ZNF83: variants seen among roughly 807,000 people sequenced by gnomAD.
ZNF83 encodes the protein zinc finger protein 816B.
For synonymous variants in ZNF83, 209 were observed against 213.0 expected, an observed-to-expected ratio of 0.98 and a Z score of 0.17; for missense variants, 552 against 629.9, an observed-to-expected ratio of 0.88 and a Z score of 1.32.
At chr19:52,656,556 T>C (rs2061507466) in intron 2 of ZNF83, among the ~76,000 whole-genome samples, 2 of 151,710 alleles carry the variant, frequency 1.3e-5, no homozygotes, top group African/African-American at 4.8e-5. Context: ...ATATTGCAAA[T>C]AATGTGTTTT....
At chr19:52,687,631 A>ATG (rs1555792752) in intron 1 of ZNF83, among the ~76,000 whole-genome samples, 609 of 10,738 alleles carry the variant, frequency 0.057, 138 homozygotes, top group Middle Eastern at 0.14. Flanking sequence ...TATATATATA[A>ATG]TGTATATATA....
chr19:52,652,561 C>T lies in ZNF83; in HGVS notation c.-74+3000G>A, dbSNP rs546248979. The T allele has an allele frequency of 5.0e-3, 2,160 of 433,416 alleles. 8 individuals are homozygous for T. Among genetic ancestry groups the T allele is most frequent in the Non-Finnish European group, 7.1e-3 (1,513 of 214,192 alleles). 26.8% of individuals were successfully genotyped at this position (433,416 alleles called of 1,614,324 possible). A position where few individuals can be genotyped will look rare whatever the true frequency, so the allele number is the denominator to read the frequency against. On this transcript the variant is annotated intron_variant, in intron 3 of 5. Transcript: ENST00000594682. ...CTTGCTGCAATCATGACATTTGTAACGTTTCTTTCCAGTATGAGTTCACTG... is the reference window on the plus strand; with the variant it reads ...CTTGCTGCAATCATGACATTTGTAATGTTTCTTTCCAGTATGAGTTCACTG...
intron 3 of ZNF83, among the ~76,000 whole-genome samples, chr19:52,643,708 GA>G (rs370930667): frequency 2.3e-3 from 295 of 127,426 alleles, no homozygotes; most frequent in Middle Eastern, 4.0e-3. Context: ...TCTTAAAAAA[GA>G]AAAAAAAAAA....
At chr19:52,633,570 C>T (rs12459834) in intron 2 of ZNF83, among the ~76,000 whole-genome samples, 3,906 of 152,238 alleles carry the variant, frequency 0.026, 183 homozygotes, top group African/African-American at 0.088. Flanking sequence ...CGCTTTATGG[C>T]CAAGGGCCTA....
exon 3 of ZNF83, chr19:52,614,124 C>T (rs761714062): frequency 6.2e-7 from 1 of 1,613,758 alleles, no homozygotes; most frequent in East Asian, 2.2e-5. Flanking sequence ...ATTTATATGG[C>T]TTCTCTCCAG....
chr19:52,655,704 AT>A, intron 2 of ZNF83: 1 of 965,994 alleles, frequency 1.0e-6, no homozygotes, highest in South Asian at 1.4e-5. Flanking sequence ...TTAAACACAC[AT>A]TTCAACAAAA....
chr19:52,655,873 G>A (rs1254996278), intron 2 of ZNF83, among the ~76,000 whole-genome samples: 1 of 152,062 alleles, frequency 6.6e-6, no homozygotes, highest in African/African-American at 2.4e-5. Context: ...GATAGATTTT[G>A]AAATCTCCTA....
At chr19:52,680,774 G>C (rs370869293) in intron 1 of ZNF83, among the ~76,000 whole-genome samples, 1 of 145,748 alleles carries the variant, frequency 6.9e-6, no homozygotes, top group South Asian at 2.2e-4. Context: ...CACTACGCCC[G>C]GCTAATTTTT....
intron 2 of ZNF83, among the ~76,000 whole-genome samples, chr19:52,625,068 C>A (rs898810693): frequency 5.3e-5 from 8 of 151,864 alleles, no homozygotes; most frequent in African/African-American, 1.5e-4. Flanking sequence ...TCATCCTGAT[C>A]ACATTTGGTT....
At chr19:52,680,740 G>A (rs2061899786) in intron 1 of ZNF83, among the ~76,000 whole-genome samples, 1 of 140,868 alleles carries the variant, frequency 7.1e-6, no homozygotes, top group Non-Finnish European at 1.5e-5. Flanking sequence ...AGCCTCCCGA[G>A]TAACTGGGAC....
intron 3 of ZNF83, among the ~76,000 whole-genome samples, chr19:52,648,946 T>C (rs1445085354): frequency 1.3e-5 from 2 of 152,040 alleles, no homozygotes; most frequent in African/African-American, 2.4e-5. Context: ...ACCTCCACCC[T>C]CTAACCAGGC....
intron 3 of ZNF83, among the ~76,000 whole-genome samples, chr19:52,649,777 G>A (rs1465901624): frequency 6.6e-6 from 1 of 152,114 alleles, no homozygotes; most frequent in Non-Finnish European, 1.5e-5. Flanking sequence ...TAGCCATTTA[G>A]CAAGCCATTG....
chr19:52,659,550 G>A (rs1275371601), intron 2 of ZNF83, among the ~76,000 whole-genome samples: 2 of 146,306 alleles, frequency 1.4e-5, no homozygotes, highest in African/African-American at 5.1e-5. Context: ...GGGTTGACAT[G>A]CAGATCCCAC....
intron 1 of ZNF83, among the ~76,000 whole-genome samples, chr19:52,687,200 AC>A (rs1455348323): frequency 6.8e-6 from 1 of 147,148 alleles, no homozygotes; most frequent in East Asian, 2.0e-4. Context: ...AAAAAAAAGT[AC>A]TATGTAGGCC....
chr19:52,661,280 A>G (rs2061576712), intron 1 of ZNF83, among the ~76,000 whole-genome samples: 1 of 152,200 alleles, frequency 6.6e-6, no homozygotes, highest in Admixed American at 6.5e-5. Context: ...TCATGCAGAG[A>G]TAAGAAAGCC....
intron 2 of ZNF83, among the ~76,000 whole-genome samples, chr19:52,619,563 T>C (rs1600148251): frequency 6.6e-6 from 1 of 151,598 alleles, no homozygotes; most frequent in Non-Finnish European, 1.5e-5. Flanking sequence ...GAGGTAGAGG[T>C]TGCAGTGAGC....
At chr19:52,621,530 C>T (rs567191176) in intron 2 of ZNF83, among the ~76,000 whole-genome samples, 1 of 152,238 alleles carries the variant, frequency 6.6e-6, no homozygotes, top group African/African-American at 2.4e-5. Context: ...GGGACACCTG[C>T]CTTGATCCTC....
chr19:52,677,190 A>G (rs2061828616), intron 1 of ZNF83, among the ~76,000 whole-genome samples: 2 of 151,844 alleles, frequency 1.3e-5, no homozygotes, highest in South Asian at 4.2e-4. Flanking sequence ...ACAAAAACAA[A>G]AACAAAACAA....
chr19:52,628,999 T>C (rs541711942), intron 2 of ZNF83, among the ~76,000 whole-genome samples: 2 of 151,972 alleles, frequency 1.3e-5, no homozygotes, highest in African/African-American at 2.4e-5. Context: ...GTCTCTACTC[T>C]CTTTTCTCTG....
Sources: gnomAD v4.1 joint callset for allele counts (sites outside exome capture counted in the v4.1 genomes callset) on GRCh38, gnomAD v4.1.1 for gene constraint, MANE v1.5 for transcripts, NCBI Gene and HGNC (gene_info 2026-07-23, HGNC 2026-07-21) for gene names.